USP9Y: variants seen among roughly 807,000 people sequenced by gnomAD.
USP9Y encodes ubiquitin carboxyl-terminal hydrolase 9Y.
In USP9Y, 41 loss-of-function variants were observed where a neutral mutation model predicts 53.1. The ratio of observed to expected loss-of-function variants is 0.77; its 90% confidence interval spans 0.60 to 1.00. The LOEUF (loss-of-function observed/expected upper bound fraction) is 1.00. USP9Y is among the 50% of genes least tolerant of loss of function. USP9Y has a pLI of 0.00. For missense variants in USP9Y, 567 were observed against 535.8 expected (o/e 1.06, Z -0.58); for synonymous variants, 220 against 173.7 (o/e 1.27, Z -2.09).
chrY:12,815,672 G>A (rs757269200), intron 31 of USP9Y, among the ~76,000 whole-genome samples: 3 of 33,849 alleles, frequency 8.9e-5, no homozygotes, highest in African/African-American at 3.4e-4. Flanking sequence ...TGTCTCATGG[G>A]TTCAAGCGAT....
chrY:12,798,129 C>T, intron 27 of USP9Y, among the ~76,000 whole-genome samples: 2 of 22,521 alleles, frequency 8.9e-5, no homozygotes, highest in Non-Finnish European at 1.9e-4. Context: ...TTCCTTCTTT[C>T]GAAAAAATAT....
intron 25 of USP9Y, 39 bp downstream of exon 25, chrY:12,790,571 A>T: frequency 2.7e-6 from 1 of 370,235 alleles, no homozygotes; most frequent in Non-Finnish European, 3.9e-6. Context: ...ATCTTGAATG[A>T]TCTCTACTTA....
At chrY:12,857,479 A>G in intron 44 of USP9Y, 87 bp from the exon 45 acceptor site, 1 of 240,520 alleles carries the variant, frequency 4.2e-6, no homozygotes, top group Non-Finnish European at 6.5e-6. Context: ...ATTTTTTAAA[A>G]GTTTATTCTA....
chrY:12,716,616 A>G (rs2053430847), intron 3 of USP9Y, among the ~76,000 whole-genome samples: 2 of 32,131 alleles, frequency 6.2e-5, no homozygotes, highest in South Asian at 1.4e-3. Flanking sequence ...TTCTTTTTCT[A>G]TTTTTGAGGC....
intron 12 of USP9Y, among the ~76,000 whole-genome samples, chrY:12,739,993 A>G (rs747996316): frequency 3.0e-5 from 1 of 33,622 alleles, no homozygotes; most frequent in African/African-American, 1.1e-4. Flanking sequence ...AGTTATGTAT[A>G]TGGCATATAG....
chrY:12,795,427 C>T, intron 27 of USP9Y, among the ~76,000 whole-genome samples: 3 of 32,944 alleles, frequency 9.1e-5, no homozygotes, highest in African/African-American at 3.6e-4. Context: ...TAAGAGCAGG[C>T]GTACTTATCT....
chrY:12,799,373 A>T, intron 27 of USP9Y, among the ~76,000 whole-genome samples: 1 of 33,465 alleles, frequency 3.0e-5, no homozygotes, highest in Non-Finnish European at 7.4e-5. Context: ...ATTTGTTGGT[A>T]AATGATTTGG....
chrY:12,798,641 T>C (rs984176959), intron 27 of USP9Y, among the ~76,000 whole-genome samples: 1 of 32,591 alleles, frequency 3.1e-5, no homozygotes, highest in African/African-American at 1.2e-4. Context: ...ACACCCAAGG[T>C]GTTCAGGAGC....
intron 7 of USP9Y, among the ~76,000 whole-genome samples, chrY:12,730,472 GA>G (rs2053446341): frequency 7.0e-5 from 2 of 28,424 alleles, no homozygotes; most frequent in African/African-American, 1.4e-4. Flanking sequence ...TGTTTGTGTG[GA>G]TTTTTTTTTT....
chrY:12,723,978 TCTC>T (rs2053438972), intron 5 of USP9Y, among the ~76,000 whole-genome samples: 1 of 33,651 alleles, frequency 3.0e-5, no homozygotes, highest in Non-Finnish European at 7.3e-5. Flanking sequence ...TGAAAATATT[TCTC>T]CTCATTTAAA....
intron 22 of USP9Y, among the ~76,000 whole-genome samples, chrY:12,780,928 C>T: frequency 3.0e-5 from 1 of 33,239 alleles, no homozygotes; most frequent in Non-Finnish European, 7.4e-5. Context: ...GCTTGTATTT[C>T]TTGGCCTACA....
At chrY:12,799,966 T>C in intron 27 of USP9Y, among the ~76,000 whole-genome samples, 1 of 33,388 alleles carries the variant, frequency 3.0e-5, no homozygotes, top group Non-Finnish European at 7.4e-5. Context: ...CTTTCTGGTC[T>C]GTGTTTGTTC....
At chrY:12,814,789 AT>A (rs2053535173) in intron 31 of USP9Y, among the ~76,000 whole-genome samples, 1 of 33,320 alleles carries the variant, frequency 3.0e-5, no homozygotes, top group Admixed American at 2.7e-4. Context: ...CTGTCAGCAC[AT>A]GAAGGTCTGT....
chrY:12,814,799 G>A (rs766152259), intron 31 of USP9Y, among the ~76,000 whole-genome samples: 3 of 33,352 alleles, frequency 9.0e-5, no homozygotes, highest in African/African-American at 3.5e-4. Flanking sequence ...ATGAAGGTCT[G>A]TATAATTCTG....
At chrY:12,798,175 A>G (rs2053515547) in intron 27 of USP9Y, among the ~76,000 whole-genome samples, 1 of 28,991 alleles carries the variant, frequency 3.4e-5, no homozygotes, top group Non-Finnish European at 7.9e-5. Flanking sequence ...TATTGGTCTT[A>G]TAAGTTAAGA....
At chrY:12,725,439 G>A (rs888991688) in intron 6 of USP9Y, among the ~76,000 whole-genome samples, 1 of 33,495 alleles carries the variant, frequency 3.0e-5, no homozygotes, top group Non-Finnish European at 7.4e-5. Context: ...CAACAACCTT[G>A]TAACCTTACA....
intron 33 of USP9Y, among the ~76,000 whole-genome samples, chrY:12,821,626 ATTTTCTTTTTT>A (rs2053541622): frequency 3.7e-5 from 1 of 26,687 alleles, no homozygotes; most frequent in South Asian, 8.0e-4. Flanking sequence ...AGAATTTTAC[ATTTTCTTTTTT>A]TTTTTTTTTT....
In USP9Y at chrY:12,860,263, G is replaced by A. The variant is rs751336754; in HGVS notation, c.*847G>A. The A allele has an allele frequency of 3.0e-5, 1 of 33,280 alleles. No homozygotes were observed. The highest frequency in any genetic ancestry group is 2.8e-4 in the Admixed American group (1 of 3,592). The allele number at this position is 33,280 out of a possible 400,897, so 8.3% of individuals were successfully genotyped here. A position where few individuals can be genotyped will look rare whatever the true frequency, so the allele number is the denominator to read the frequency against. ...TTGAGCTGAAGAATATCAAAGTATC[G>A]ATAATACGAATTTTAAAATATTAAA... On this transcript the variant is annotated 3_prime_UTR_variant, in exon 46 of 46. Coordinates refer to ENST00000338981, the MANE Select transcript of USP9Y (RefSeq NM_004654.4).
At chrY:12,839,431 T>C (rs2053558270) in intron 35 of USP9Y, among the ~76,000 whole-genome samples, 1 of 33,130 alleles carries the variant, frequency 3.0e-5, no homozygotes, top group Non-Finnish European at 7.5e-5. Flanking sequence ...AGTACTACCA[T>C]AAAAAGTAAT....
Sources: allele counts gnomAD v4.1 joint callset (sites outside exome capture counted in the v4.1 genomes callset), GRCh38; gene constraint gnomAD v4.1.1; transcripts MANE v1.5; gene names NCBI Gene and HGNC (gene_info 2026-07-23, HGNC 2026-07-21).